Variants in PACS2 observed in about 807,000 individuals in gnomAD.
PACS2 encodes the protein PACS1-like protein.
PACS2 carries 36 observed loss-of-function variants against 113.0 expected under a neutral mutation model. The observed-to-expected ratio is 0.32, with a 90% CI of 0.24 to 0.42. The LOEUF is 0.42. Among genes scored for constraint, PACS2 ranks in the 10% least tolerant of loss-of-function variants. The pLI is 1.00. For missense variants in PACS2, 1,015 were observed against 1,239.5 expected, an observed-to-expected ratio of 0.82 and a Z score of 2.72; for synonymous variants, 589 against 536.1, an observed-to-expected ratio of 1.10 and a Z score of -1.36.
At chr14:105,367,538 G>A (rs1213688874) in intron 5 of PACS2, among the ~76,000 whole-genome samples, 163 bp downstream of exon 5, 7 of 152,240 alleles carry the variant, frequency 4.6e-5, no homozygotes, top group Non-Finnish European at 1.0e-4. Context: ...AGAGGTGCGC[G>A]CTGTTGTAGG....
In PACS2 at chr14:105,397,887, G is replaced by A. The variant is rs1319054755; in HGVS notation, c.*3215G>A. The A allele has an allele frequency of 6.6e-6, 1 of 152,242 alleles. No individual in the cohort carries two copies. The highest frequency in any genetic ancestry group is 1.5e-5 in the Non-Finnish European group (1 of 68,068). The allele number at this position is 152,242 out of a possible 1,614,324, so 9.4% of individuals were successfully genotyped here. A position where few individuals can be genotyped will look rare whatever the true frequency, so the allele number is the denominator to read the frequency against. On this transcript the variant is annotated 3_prime_UTR_variant, in exon 25 of 25. Transcript: ENST00000447393. ...CCGTCCGCGGGTGTGTGGCCTGTAG[G>A]GGACTGAGAGCTGGGCTTGCTGGGC...
rs587619372 is a variant in PACS2 at position 105,393,676 on chromosome 14, A to G, written c.2596+341A>G. On this transcript the variant is annotated intron_variant, in intron 24 of 24. Transcript: ENST00000447393. ...GTGATCTCAGCTCACTGCAACTTCCATCTCTCAGGTTCAAGCGATTCTCCT... is the reference window on the plus strand; with the variant it reads ...GTGATCTCAGCTCACTGCAACTTCCGTCTCTCAGGTTCAAGCGATTCTCCT... 1.8e-4 allele frequency: 35 copies of G among 193,996 alleles called. 2 individuals are homozygous for G. The South Asian group carries it at 2.5e-3, about 14-fold the overall frequency. The allele number at this position is 193,996 out of a possible 1,614,324, so 12.0% of individuals were successfully genotyped here.
intron 24 of PACS2, chr14:105,394,139 G>A (rs1555415848): frequency 1.0e-6 from 1 of 953,178 alleles, no homozygotes; most frequent in Non-Finnish European, 1.2e-6. Context: ...GCACGGGTCA[G>A]ATGACCTCCA....
chr14:105,345,412 A>G (rs1370910675), intron 1 of PACS2, among the ~76,000 whole-genome samples: 1 of 152,226 alleles, frequency 6.6e-6, no homozygotes, highest in Non-Finnish European at 1.5e-5. Context: ...GTCTTGAGAA[A>G]AAAAAAAATG....
intron 10 of PACS2, 90 bp from the exon 11 acceptor site, chr14:105,379,990 C>A (rs2080923349): frequency 1.5e-6 from 2 of 1,342,436 alleles, no homozygotes; most frequent in Non-Finnish European, 1.0e-6. Flanking sequence ...GTACCCCGGG[C>A]CTCCCTGAGT....
At chr14:105,386,298 G>A (rs2081174240) in intron 19 of PACS2, among the ~76,000 whole-genome samples, 2 of 152,132 alleles carry the variant, frequency 1.3e-5, no homozygotes, top group Admixed American at 6.5e-5. Flanking sequence ...GTCAGCGGCT[G>A]TGCCTTGGGC....
rs1174953660 is a variant in PACS2 at position 105,366,422 on chromosome 14, G to A, written c.424-791G>A. On this transcript the variant is annotated intron_variant, in intron 4 of 24. Coordinates refer to ENST00000447393, the MANE Select transcript of PACS2 (RefSeq NM_001100913.3). The surrounding 1 kb of genome is among the most constrained non-coding windows in gnomAD (Gnocchi z 4.3). ...ATGTGAACCGATAGCCCCAAAAGGC[G>A]GCTTCTAGAGCACAGCTGGCCCCAA... Among the ~76,000 whole-genome samples, 18 of 152,202 alleles carry A rather than the reference G, an allele frequency of 1.2e-4. No individual in the cohort carries two copies. The highest frequency in any genetic ancestry group is 7.9e-4 in the Admixed American group (12 of 15,286).
rs190993649 is a variant in PACS2 at position 105,378,063 on chromosome 14, C to T, written c.959+1138C>T. Reference sequence around the variant, plus strand: ...TGGCCCAGGGTCCCTCCTCCACCTTCGGAACCAGCAAGGCCCAGTGAAGTC... The same window carrying T: ...TGGCCCAGGGTCCCTCCTCCACCTTTGGAACCAGCAAGGCCCAGTGAAGTC... On this transcript the variant is annotated intron_variant, in intron 9 of 24. Coordinates refer to ENST00000447393, the MANE Select transcript of PACS2 (RefSeq NM_001100913.3). 2.6e-3 allele frequency among the ~76,000 whole-genome samples: 397 copies of T among 152,344 alleles called. 17 individuals carry two copies. In the East Asian group the frequency reaches 0.071, roughly 27 times the overall value.
rs587764469 is a variant in PACS2 at position 105,340,080 on chromosome 14, A to T, written c.120-8413A>T. Among the ~76,000 whole-genome samples the T allele has an allele frequency of 7.8e-4, 119 of 152,376 alleles. No individual in the cohort carries two copies. The highest frequency in any genetic ancestry group is 3.3e-3 in the East Asian group (17 of 5,188). ...AAGTGTGAGCCACCGCGTCTGGCTA[A>T]GGAGTATTTTCCTTAGCAGATACAA... On this transcript the variant is annotated intron_variant, in intron 1 of 24. Coordinates refer to ENST00000447393, the MANE Select transcript of PACS2 (RefSeq NM_001100913.3). This position sits in a 1 kb window ranked among gnomAD's most constrained non-coding sequence, Gnocchi z 4.2.
At chr14:105,333,357 G>A (rs2059378321) in intron 1 of PACS2, among the ~76,000 whole-genome samples, 1 of 152,244 alleles carries the variant, frequency 6.6e-6, no homozygotes, top group African/African-American at 2.4e-5. Context: ...CCCCGTTGCA[G>A]GCGTTCCCAT....
rs370018772 is a variant in PACS2 at position 105,351,045 on chromosome 14, C to T, written c.208-1333C>T. ...GTCCTGAGGCCCCGCTGCTCCCACC[C>T]GAACCTGGGCTGGCCCCGGGCTCCC... On this transcript the variant is annotated intron_variant, in intron 2 of 24. Coordinates refer to ENST00000447393, the MANE Select transcript of PACS2 (RefSeq NM_001100913.3). Among the ~76,000 whole-genome samples the T allele has an allele frequency of 6.2e-4, 94 of 152,314 alleles. 2 individuals are homozygous for T. In the South Asian group the frequency reaches 0.017, roughly 28 times the overall value.
intron 1 of PACS2, among the ~76,000 whole-genome samples, chr14:105,346,413 G>A (rs868916212): frequency 6.6e-5 from 10 of 151,742 alleles, no homozygotes; most frequent in African/African-American, 1.7e-4. Flanking sequence ...CACTGCTCGC[G>A]TCTGCAGCCC....
chr14:105,392,970 G>T, intron 23 of PACS2, 125 bp downstream of exon 23: 3 of 756,358 alleles, frequency 4.0e-6, no homozygotes, highest in Non-Finnish European at 6.5e-6. Context: ...GCGCAGGCAG[G>T]GGCGGGTGGG....
chr14:105,393,147 C>A (rs973348645), intron 23 of PACS2, 75 bp from the exon 24 acceptor site: 17 of 1,145,244 alleles, frequency 1.5e-5, no homozygotes, highest in African/African-American at 4.6e-5. Context: ...GTGCCTCCCC[C>A]ACACGTACCC....
intron 22 of PACS2, 191 bp downstream of exon 22, chr14:105,391,957 C>T: frequency 3.4e-6 from 2 of 591,048 alleles, no homozygotes; most frequent in South Asian, 4.2e-5. Flanking sequence ...TGTTTGGGGG[C>T]AGGACCTCTG....
At chr14:105,350,082 A>ACCCCGAGAACTTCCAGGAGTGCG (rs1566928394) in intron 2 of PACS2, among the ~76,000 whole-genome samples, 1 of 149,702 alleles carries the variant, frequency 6.7e-6, no homozygotes, top group Non-Finnish European at 1.5e-5. Flanking sequence ...TGATAGCAGG[A>ACCCCGAGAACTTCCAGGAGTGCG]TGGAAGCGTC....
At position 105,391,246 on chromosome 14, in the gene PACS2, T is replaced by C. The variant is rs1555414748; in HGVS notation, c.2116T>C (p.Ser706Pro). Residue 706 changes from serine (S) to proline (P), a missense_variant, in exon 21 of 25, where the codon TCA (serine) becomes CCA (proline). Coordinates refer to ENST00000447393, the MANE Select transcript of PACS2 (RefSeq NM_001100913.3). ...AATTGTGGAGCCATCCTCGGCCACA[T>C]CAGGTAACCCCGTCCCACCCTGAGG... Reference protein sequence around the residue: ...VGIVEPSSATSGDSDDAAPSG... With the variant: ...VGIVEPSSATPGDSDDAAPSG... 1 of 1,612,170 alleles carries C rather than the reference T, an allele frequency of 6.2e-7. No individual in the cohort carries two copies. The highest frequency in any genetic ancestry group is 8.5e-7 in the Non-Finnish European group (1 of 1,178,516).
intron 1 of PACS2, among the ~76,000 whole-genome samples, chr14:105,333,536 G>T (rs2059386651): frequency 6.6e-6 from 1 of 152,208 alleles, no homozygotes; most frequent in Admixed American, 6.5e-5. Context: ...ACCTGGCTTT[G>T]CTGGGTCCCA....
At chr14:105,386,595 T>C (rs587650104) in intron 19 of PACS2, among the ~76,000 whole-genome samples, 43 of 152,142 alleles carry the variant, frequency 2.8e-4, no homozygotes, top group African/African-American at 1.0e-3. Context: ...GGTCCTCCCA[T>C]GGGCTCGTTC....
Sources: allele counts gnomAD v4.1 joint callset (sites outside exome capture counted in the v4.1 genomes callset), GRCh38; gene constraint gnomAD v4.1.1; non-coding constraint Gnocchi (gnomAD v3.1); transcripts MANE v1.5; gene names NCBI Gene and HGNC (gene_info 2026-07-23, HGNC 2026-07-21).